The following AGO2 variants were observed in gnomAD, a reference collection of about 807,000 sequenced individuals.
The protein encoded by AGO2 is argonaute RISC catalytic component 2.
AGO2 carries 5 observed loss-of-function variants against 102.3 expected under a neutral mutation model. The observed-to-expected ratio is 0.05, with a 90% CI of 0.03 to 0.10. The LOEUF (loss-of-function observed/expected upper bound fraction) is 0.10. Ranked by LOEUF, AGO2 falls within the 10% of genes least tolerant of loss-of-function variation. The probability of loss-of-function intolerance (pLI) is 1.00; values close to 1 mark genes in which losing one functional copy is unlikely to be tolerated. For synonymous variants in AGO2, 449 were observed against 473.1 expected, an observed-to-expected ratio of 0.95 and a Z score of 0.66; for missense variants, 541 against 1,183.7, an observed-to-expected ratio of 0.46 and a Z score of 7.97.
At chr8:140,547,001 T>TA (rs1262021764) in intron 13 of AGO2, among the ~76,000 whole-genome samples, 5 of 152,194 alleles carry the variant, frequency 3.3e-5, no homozygotes, top group African/African-American at 7.2e-5. Context: ...CTTGGCCACA[T>TA]ATCCTGTCCT....
At chr8:140,601,965 C>T (rs2073940229) in intron 1 of AGO2, among the ~76,000 whole-genome samples, 1 of 152,134 alleles carries the variant, frequency 6.6e-6, no homozygotes, top group Admixed American at 6.5e-5. Context: ...CAGCCTGAAT[C>T]CCTGAATAGC....
intron 16 of AGO2, 111 bp from the exon 17 acceptor site, chr8:140,535,680 T>A (rs1564072086): frequency 2.2e-6 from 2 of 928,650 alleles, no homozygotes; most frequent in Non-Finnish European, 3.5e-6. Flanking sequence ...TTGAAGTTTT[T>A]AAATTGGCTA....
intron 1 of AGO2, among the ~76,000 whole-genome samples, chr8:140,597,474 A>ACC (rs1163320106): frequency 4.6e-4 from 21 of 45,220 alleles, no homozygotes; most frequent in South Asian, 3.1e-3. Flanking sequence ...TGGCCCCCCC[A>ACC]CCCCCCCCCC....
intron 1 of AGO2, among the ~76,000 whole-genome samples, chr8:140,617,269 T>C (rs1402506688): frequency 2.0e-5 from 3 of 152,092 alleles, no homozygotes; most frequent in South Asian, 4.2e-4. Flanking sequence ...CCACTCTTTT[T>C]TTTTTTCGAG....
intron 1 of AGO2, among the ~76,000 whole-genome samples, chr8:140,627,590 A>G (rs1485918798): frequency 6.6e-6 from 1 of 152,198 alleles, no homozygotes; most frequent in Non-Finnish European, 1.5e-5. Context: ...GATTCGGGTT[A>G]GGGGCCGCCT....
chr8:140,593,962 T>C (rs1467703418), intron 1 of AGO2, among the ~76,000 whole-genome samples: 2 of 152,232 alleles, frequency 1.3e-5, no homozygotes, highest in Non-Finnish European at 2.9e-5. Flanking sequence ...CTCACCAGGT[T>C]CACTCAGTTC....
intron 2 of AGO2, among the ~76,000 whole-genome samples, chr8:140,573,985 G>C (rs2073425508): frequency 6.6e-6 from 1 of 152,226 alleles, no homozygotes; most frequent in South Asian, 2.1e-4. Context: ...CACTTGCAGA[G>C]CCATGGTATG....
In AGO2 at chr8:140,555,802, A is replaced by T. The variant is rs1000717892; in HGVS notation, c.1269+94T>A. 48 of 1,474,330 alleles carry T rather than the reference A, an allele frequency of 3.3e-5. No individual in the cohort carries two copies. The Admixed American group carries it at 3.9e-4, about 12-fold the overall frequency. 91.3% of individuals were successfully genotyped at this position (1,474,330 alleles called of 1,614,324 possible). ...GAAAGGATTCTCCTGCATGGAACAC[A>T]GTCTACACCGCGGGCGATAGCTCAG... On this transcript the variant is annotated intron_variant, in intron 10 of 18. Transcript: ENST00000220592.
intron 3 of AGO2, chr8:140,572,567 G>T: frequency 2.4e-6 from 1 of 423,678 alleles, no homozygotes; most frequent in Non-Finnish European, 4.1e-6. Flanking sequence ...CTTAAAGTTT[G>T]GTGGTTTCAG....
At chr8:140,561,439 C>T (rs905885858) in intron 4 of AGO2, among the ~76,000 whole-genome samples, 9 of 152,196 alleles carry the variant, frequency 5.9e-5, no homozygotes, top group African/African-American at 1.4e-4. Context: ...CAAAGGAATT[C>T]GGAAAAGAAT....
At position 140,559,479 on chromosome 8, in the gene AGO2, CACAA is replaced by C. The variant is rs2132938566; in HGVS notation, c.702_705del (p.Cys235LysfsTer15). ...TCAATACTTTTAAAATCCAAAACTT[CACAA>C]ACAAACTCGATTACTGGCTGTGCCT... On this transcript the variant is annotated frameshift_variant, in exon 6 of 19. Transcript: ENST00000220592. LOFTEE classifies it high-confidence loss of function. 6.2e-7 allele frequency: 1 copy of C among 1,614,246 alleles called. No homozygotes were observed. Among genetic ancestry groups the C allele is most frequent in the Non-Finnish European group, 8.5e-7 (1 of 1,180,036 alleles).
chr8:140,616,477 A>G (rs2074144096), intron 1 of AGO2, among the ~76,000 whole-genome samples: 2 of 148,846 alleles, frequency 1.3e-5, no homozygotes, highest in South Asian at 4.3e-4. Flanking sequence ...TCACTTATTG[A>G]TAATAATTGC....
chr8:140,614,707 TCCAGTA>T (rs1427031084), intron 1 of AGO2, among the ~76,000 whole-genome samples: 2 of 152,144 alleles, frequency 1.3e-5, no homozygotes, highest in Non-Finnish European at 2.9e-5. Flanking sequence ...GAATCCAGGA[TCCAGTA>T]CTTACTGCTG....
In AGO2 at chr8:140,557,363, G is replaced by C. The variant is rs2073115581; in HGVS notation, c.879-127C>G. On this transcript the variant is annotated intron_variant, in intron 7 of 18. Coordinates refer to ENST00000220592, the MANE Select transcript of AGO2 (RefSeq NM_012154.5). The surrounding 1 kb of genome is among the most constrained non-coding windows in gnomAD (Gnocchi z 5.9). ...AAACATTCAGAGCACTTCCGGGAGTGAAAACCATGTCATGTGCTTTGGGTT... is the reference window on the plus strand; with the variant it reads ...AAACATTCAGAGCACTTCCGGGAGTCAAAACCATGTCATGTGCTTTGGGTT... 1 of 1,164,078 alleles carries C rather than the reference G, an allele frequency of 8.6e-7. No homozygotes were observed. Among genetic ancestry groups the C allele is most frequent in the African/African-American group, 1.6e-5 (1 of 64,442 alleles). The allele number at this position is 1,164,078 out of a possible 1,614,324, so 72.1% of individuals were successfully genotyped here.
intron 3 of AGO2, among the ~76,000 whole-genome samples, chr8:140,566,230 T>C (rs2073282410): frequency 6.6e-6 from 1 of 152,150 alleles, no homozygotes; most frequent in South Asian, 2.1e-4. Context: ...AGTGATCCAA[T>C]TGGTTTATCA....
chr8:140,642,100 G>T, the AGO2 span, among the ~76,000 whole-genome samples: 1 of 152,014 alleles, frequency 6.6e-6, no homozygotes, highest in Non-Finnish European at 1.5e-5. Flanking sequence ...GAAAACAGAA[G>T]AACAAATGAA....
chr8:140,554,848 C>A (rs940801448), intron 10 of AGO2, among the ~76,000 whole-genome samples: 2 of 152,050 alleles, frequency 1.3e-5, no homozygotes, highest in Non-Finnish European at 2.9e-5. Context: ...CGCACCACCA[C>A]TCCAGGCTAA....
chr8:140,610,027 CTAAAA>C (rs2074055532), intron 1 of AGO2, among the ~76,000 whole-genome samples: 1 of 56,016 alleles, frequency 1.8e-5, no homozygotes, highest in African/African-American at 6.6e-5. Flanking sequence ...GACCTTGACT[CTAAAA>C]AAAAAAAAAA....
chr8:140,574,204 C>G (rs1588470650), intron 2 of AGO2, among the ~76,000 whole-genome samples: 1 of 149,414 alleles, frequency 6.7e-6, no homozygotes, highest in South Asian at 2.2e-4. Context: ...TCCTGCTGGC[C>G]TTCAGCTCTG....
Sources: allele counts gnomAD v4.1 joint callset (sites outside exome capture counted in the v4.1 genomes callset), GRCh38; gene constraint gnomAD v4.1.1; non-coding constraint Gnocchi (gnomAD v3.1); transcripts MANE v1.5; gene names NCBI Gene and HGNC (gene_info 2026-07-23, HGNC 2026-07-21).